CYP20A1: variants seen among roughly 807,000 people sequenced by gnomAD.
CYP20A1 encodes the protein cytochrome P450 20A1.
Under a neutral mutation model 61.4 loss-of-function variants are expected in CYP20A1, and 61 were observed. That is an observed-to-expected ratio of 0.99 (90% CI 0.81 to 1.23). The LOEUF (loss-of-function observed/expected upper bound fraction) is 1.23. Ranked by LOEUF, CYP20A1 falls within the 50% of genes most tolerant of loss-of-function variation. The pLI is 0.00. For synonymous variants in CYP20A1, 193 were observed against 188.2 expected (o/e 1.03, Z -0.21); for missense variants, 530 against 542.4 (o/e 0.98, Z 0.23).
rs1193099752 is a variant in CYP20A1, at chr2:203,302,095, T to G, written c.*5187T>G. On this transcript the variant is annotated 3_prime_UTR_variant, in exon 13 of 13. Coordinates refer to ENST00000356079, the MANE Select transcript of CYP20A1 (RefSeq NM_177538.3). ...CATGTGCCACCACACCTGGCTAATTTTTGTGTTTTTAGTACAGATGGGGTT... is the reference window on the plus strand; with the variant it reads ...CATGTGCCACCACACCTGGCTAATTGTTGTGTTTTTAGTACAGATGGGGTT... Among the ~76,000 whole-genome samples, 5 of 152,042 alleles carry G rather than the reference T, an allele frequency of 3.3e-5. No individual in the cohort carries two copies. Among genetic ancestry groups the G allele is most frequent in the African/African-American group, 7.2e-5 (3 of 41,416 alleles).
In CYP20A1 at chr2:203,300,327, A is replaced by T. The variant is rs1223707465; in HGVS notation, c.*3419A>T. ...TAAATAAAAGTACTGTTAATATATAAACTAAGTTATTCATTCACTGTTTTT... is the reference window on the plus strand; with the variant it reads ...TAAATAAAAGTACTGTTAATATATATACTAAGTTATTCATTCACTGTTTTT... On this transcript the variant is annotated 3_prime_UTR_variant, in exon 13 of 13. Coordinates refer to ENST00000356079, the MANE Select transcript of CYP20A1 (RefSeq NM_177538.3). 6.6e-6 allele frequency among the ~76,000 whole-genome samples: 1 copy of T among 152,206 alleles called. No homozygotes were observed. Among genetic ancestry groups the T allele is most frequent in the East Asian group, 1.9e-4 (1 of 5,200 alleles).
chr2:203,248,388 G>T (rs1422470789), intron 3 of CYP20A1, among the ~76,000 whole-genome samples: 1 of 152,082 alleles, frequency 6.6e-6, no homozygotes, highest in East Asian at 1.9e-4. Flanking sequence ...ACAAAAATTA[G>T]CCAGGCCTGG....
At chr2:203,253,537 C>A (rs558248667) in intron 4 of CYP20A1, among the ~76,000 whole-genome samples, 4 of 152,310 alleles carry the variant, frequency 2.6e-5, no homozygotes, top group African/African-American at 9.6e-5. Context: ...AGTGGATTCA[C>A]ATCCAAAAAA....
intron 6 of CYP20A1, among the ~76,000 whole-genome samples, chr2:203,276,148 A>C (rs754031075): frequency 2.6e-5 from 4 of 152,228 alleles, no homozygotes; most frequent in Non-Finnish European, 5.9e-5. Flanking sequence ...AAGTAATTAC[A>C]GAGTCCTTGA....
At chr2:203,261,211 T>TA (rs894267894) in intron 4 of CYP20A1, among the ~76,000 whole-genome samples, 12 of 148,050 alleles carry the variant, frequency 8.1e-5, no homozygotes, top group South Asian at 4.3e-4. Context: ...TCTACAAAAA[T>TA]AAAAAAAAAT....
chr2:203,248,260 G>C (rs1025328815), intron 3 of CYP20A1, among the ~76,000 whole-genome samples: 1 of 152,042 alleles, frequency 6.6e-6, no homozygotes, highest in Non-Finnish European at 1.5e-5. Context: ...CTGGCCGGGC[G>C]TGATGGCTCC....
chr2:203,252,580 AG>A (rs1262244050), intron 4 of CYP20A1, among the ~76,000 whole-genome samples: 1 of 151,978 alleles, frequency 6.6e-6, no homozygotes, highest in African/African-American at 2.4e-5. Context: ...TTTTTAGTAG[AG>A]GCAGGGTTTC....
intron 11 of CYP20A1, among the ~76,000 whole-genome samples, chr2:203,292,983 G>A (rs1412877964): frequency 2.0e-5 from 3 of 151,816 alleles, no homozygotes; most frequent in Admixed American, 6.6e-5. Context: ...AGACCAGCCT[G>A]GCTAACATAG....
chr2:203,274,021 A>G (rs1157348892), intron 6 of CYP20A1, among the ~76,000 whole-genome samples: 1 of 152,110 alleles, frequency 6.6e-6, no homozygotes, highest in East Asian at 1.9e-4. Context: ...AATATTTTCA[A>G]TGTTGTTTGG....
At chr2:203,242,638 A>G (rs1315789617) in intron 1 of CYP20A1, among the ~76,000 whole-genome samples, 2 of 152,066 alleles carry the variant, frequency 1.3e-5, no homozygotes, top group Non-Finnish European at 2.9e-5. Flanking sequence ...AAATAAATAA[A>G]TAAGACATGG....
intron 3 of CYP20A1, among the ~76,000 whole-genome samples, chr2:203,250,409 G>A (rs932878702): frequency 1.3e-5 from 2 of 152,170 alleles, no homozygotes; most frequent in African/African-American, 4.8e-5. Context: ...GTACAGAGAG[G>A]TTAAGTTACT....
intron 9 of CYP20A1, among the ~76,000 whole-genome samples, chr2:203,287,767 A>G (rs2068345016): frequency 6.6e-6 from 1 of 152,156 alleles, no homozygotes; most frequent in Non-Finnish European, 1.5e-5. Flanking sequence ...GAAGCATTTC[A>G]AAAGCTGGGC....
intron 6 of CYP20A1, among the ~76,000 whole-genome samples, chr2:203,275,465 C>T (rs1433344770): frequency 6.6e-6 from 1 of 151,152 alleles, no homozygotes; most frequent in Non-Finnish European, 1.5e-5. Context: ...GACTGAATCT[C>T]GCTCTATTGC....
intron 4 of CYP20A1, among the ~76,000 whole-genome samples, chr2:203,262,244 A>T (rs1481260596): frequency 6.6e-6 from 1 of 152,156 alleles, no homozygotes; most frequent in East Asian, 1.9e-4. Context: ...TAAATTAGAG[A>T]TGGTGGTCTC....
At chr2:203,264,553 T>C (rs1202162091) in intron 4 of CYP20A1, among the ~76,000 whole-genome samples, 1 of 152,156 alleles carries the variant, frequency 6.6e-6, no homozygotes, top group Admixed American at 6.6e-5. Context: ...CTGGGACTAG[T>C]ATATAGTTGT....
intron 10 of CYP20A1, among the ~76,000 whole-genome samples, chr2:203,290,487 A>G (rs574231447): frequency 2.0e-5 from 3 of 152,146 alleles, no homozygotes; most frequent in Non-Finnish European, 4.4e-5. Context: ...GTATTAAACA[A>G]TTTATATGTG....
chr2:203,279,244 G>A (rs779302773), intron 7 of CYP20A1, among the ~76,000 whole-genome samples: 1 of 152,156 alleles, frequency 6.6e-6, no homozygotes, highest in Non-Finnish European at 1.5e-5. Flanking sequence ...GGGATTACAG[G>A]TGTGAGCCAC....
At chr2:203,244,311 C>CATGCCTCA (rs1277169073) in intron 1 of CYP20A1, among the ~76,000 whole-genome samples, 2 of 152,136 alleles carry the variant, frequency 1.3e-5, no homozygotes, top group Non-Finnish European at 2.9e-5. Flanking sequence ...AAGTGATTCT[C>CATGCCTCA]ATGCCTCAGC....
Position 203,268,602 on chromosome 2 carries a change from T to G in CYP20A1, c.600+1921T>G, listed in dbSNP as rs77864017. Among the ~76,000 whole-genome samples, 1,444 of 152,174 alleles carry G rather than the reference T, an allele frequency of 9.5e-3. 15 individuals are homozygous for G. The highest frequency in any genetic ancestry group is 0.02 in the African/African-American group (816 of 41,532). On this transcript the variant is annotated intron_variant, in intron 5 of 12. Coordinates refer to ENST00000356079, the MANE Select transcript of CYP20A1 (RefSeq NM_177538.3). Reference sequence around the variant, plus strand: ...TCTTCCTCAAATTATTTGTTTTTTTTTTTGTTTGTTTTGTTTTGTTTTTTA... The same window carrying G: ...TCTTCCTCAAATTATTTGTTTTTTTGTTTGTTTGTTTTGTTTTGTTTTTTA...
Sources: gnomAD v4.1 joint callset for allele counts (sites outside exome capture counted in the v4.1 genomes callset) on GRCh38, gnomAD v4.1.1 for gene constraint, MANE v1.5 for transcripts, NCBI Gene and HGNC (gene_info 2026-07-23, HGNC 2026-07-21) for gene names.